IDE: variants seen among roughly 807,000 people sequenced by gnomAD.
The protein encoded by IDE is insulin-degrading enzyme.
Under a neutral mutation model 133.2 loss-of-function variants are expected in IDE, and 58 were observed. The ratio of observed to expected loss-of-function variants is 0.44; its 90% CI spans 0.35 to 0.54. The LOEUF (loss-of-function observed/expected upper bound fraction) is 0.54, where lower values mean the gene tolerates loss of function less well. Among genes scored for constraint, IDE ranks in the 20% least tolerant of loss-of-function variants. IDE has a pLI of 0.00. For synonymous variants in IDE, 396 were observed against 421.3 expected, an observed-to-expected ratio of 0.94 and a Z score of 0.73; for missense variants, 981 against 1,234.0, an observed-to-expected ratio of 0.79 and a Z score of 3.07.
intron 17 of IDE, among the ~76,000 whole-genome samples, 175 bp from the exon 18 acceptor site, chr10:92,470,520 T>C (rs1845910377): frequency 1.3e-5 from 2 of 152,244 alleles, no homozygotes; most frequent in Non-Finnish European, 2.9e-5. Context: ...GAAATTAACA[T>C]TGGTATAATA....
chr10:92,542,375 G>C (rs535359612), intron 1 of IDE, among the ~76,000 whole-genome samples: 4 of 152,192 alleles, frequency 2.6e-5, no homozygotes, highest in Non-Finnish European at 4.4e-5. Flanking sequence ...GACTGGTCTC[G>C]AACTCCTGGC....
intron 21 of IDE, among the ~76,000 whole-genome samples, chr10:92,462,083 AGGTAGGTGGATCACTCGAGGCCAG>A (rs1042560327): frequency 3.9e-5 from 6 of 152,054 alleles, no homozygotes; most frequent in African/African-American, 1.4e-4. Flanking sequence ...TGGGAGGCCA[AGGTAGGTGGATCACTCGAGGCCAG>A]AAGTTTGAGA....
At chr10:92,527,924 G>A (rs1849712441) in intron 4 of IDE, among the ~76,000 whole-genome samples, 1 of 152,132 alleles carries the variant, frequency 6.6e-6, no homozygotes, top group South Asian at 2.1e-4. Flanking sequence ...GCTGAGACAG[G>A]GGAATCGTTT....
chr10:92,563,216 A>T (rs1843361755), intron 1 of IDE, among the ~76,000 whole-genome samples: 1 of 151,912 alleles, frequency 6.6e-6, no homozygotes. Flanking sequence ...ACATCATTGC[A>T]CTCCAGCCTG....
intron 14 of IDE, among the ~76,000 whole-genome samples, chr10:92,483,035 C>T (rs1052378668): frequency 2.0e-5 from 3 of 152,216 alleles, no homozygotes; most frequent in African/African-American, 7.2e-5. Context: ...CCGCCTCAGC[C>T]TCCCAAAGTG....
At chr10:92,486,507 C>CTG (rs139564276) in intron 13 of IDE, among the ~76,000 whole-genome samples, 17 of 151,978 alleles carry the variant, frequency 1.1e-4, no homozygotes, top group African/African-American at 4.1e-4. Flanking sequence ...AAAGAAACAT[C>CTG]TGTGTGTGTG....
intron 13 of IDE, among the ~76,000 whole-genome samples, chr10:92,484,057 C>T (rs919986786): frequency 6.6e-6 from 1 of 152,152 alleles, no homozygotes; most frequent in Non-Finnish European, 1.5e-5. Context: ...TATAACCTCA[C>T]GACAAGCCCT....
intron 1 of IDE, among the ~76,000 whole-genome samples, chr10:92,561,514 G>A (rs1339803116): frequency 6.6e-6 from 1 of 151,838 alleles, no homozygotes; most frequent in East Asian, 1.9e-4. Context: ...CCCTTTGGGA[G>A]GCCGAGGCGG....
At chr10:92,470,481 T>C (rs897406021) in intron 17 of IDE, 136 bp from the exon 18 acceptor site, 4 of 462,480 alleles carry the variant, frequency 8.6e-6, no homozygotes, top group African/African-American at 7.9e-5. Context: ...TTCCCTAATG[T>C]TAACATCTTT....
At chr10:92,511,933 G>A (rs993817194) in intron 5 of IDE, among the ~76,000 whole-genome samples, 1 of 152,154 alleles carries the variant, frequency 6.6e-6, no homozygotes, top group South Asian at 2.1e-4. Context: ...TCTACCAGGT[G>A]TATCTTTCCT....
chr10:92,523,881 CCA>C (rs1272706439), intron 4 of IDE, among the ~76,000 whole-genome samples: 1 of 151,946 alleles, frequency 6.6e-6, no homozygotes, highest in African/African-American at 2.4e-5. Context: ...CCAGTTGCTC[CCA>C]CAGTGTCGGT....
intron 19 of IDE, among the ~76,000 whole-genome samples, chr10:92,468,670 A>C (rs1845812117): frequency 6.6e-6 from 1 of 152,166 alleles, no homozygotes; most frequent in African/African-American, 2.4e-5. Flanking sequence ...TCTCTTCAAA[A>C]TTATTGCCTA....
intron 4 of IDE, among the ~76,000 whole-genome samples, chr10:92,523,898 TTA>T (rs1412016496): frequency 6.6e-6 from 1 of 152,104 alleles, no homozygotes; most frequent in South Asian, 2.1e-4. Context: ...GTCGGTAGAG[TTA>T]TGTTTGGAGA....
At position 92,482,393 on chromosome 10, in the gene IDE, T is replaced by C. The variant is rs185770178; in HGVS notation, c.1739+862A>G. Among the ~76,000 whole-genome samples the C allele has an allele frequency of 3.4e-3, 515 of 152,310 alleles. 2 individuals are homozygous for C. Among genetic ancestry groups the C allele is most frequent in the African/African-American group, 0.012 (489 of 41,564 alleles). On this transcript the variant is annotated intron_variant, in intron 14 of 24. Coordinates refer to ENST00000265986, the MANE Select transcript of IDE (RefSeq NM_004969.4). ...AAGGTGCACTGAGAAATTACTGCAA[T>C]AGCATTATTCATAAATTTTACTAAA...
chr10:92,573,982 A>T lies in IDE; in HGVS notation c.38T>A (p.Leu13Gln), dbSNP rs1253338603. The change falls in exon 1 of 25, where the codon CTG (leucine) becomes CAG (glutamine). Residue 13 changes from leucine (L) to glutamine (Q), a missense_variant. Leu to Gln is a moderately radical substitution (Grantham distance 113, BLOSUM62 -2). Around this residue, in one of 2 missense-constraint regions of IDE, gnomAD observed 321 missense variants for 339.3 expected, o/e 0.95. Transcript: ENST00000265986. ...YRLAWLLHPA[L>Q]PSTFRSVLGA... is the part of the protein sequence containing the mutation. Reference sequence around the variant, plus strand: ...GAGGACTGAGCGGAAGGTGCTGGGCAGTGCGGGGTGCAGAAGCCACGCTAG... The same window carrying T: ...GAGGACTGAGCGGAAGGTGCTGGGCTGTGCGGGGTGCAGAAGCCACGCTAG... 13 of 1,507,672 alleles carry T rather than the reference A, an allele frequency of 8.6e-6. No homozygotes were observed. The highest frequency in any genetic ancestry group is 1.4e-5 in the African/African-American group (1 of 69,082). The allele number at this position is 1,507,672 out of a possible 1,614,324, so 93.4% of individuals were successfully genotyped here. A position where few individuals can be genotyped will look rare whatever the true frequency, so the allele number is the denominator to read the frequency against.
chr10:92,516,730 T>C (rs543960910), intron 4 of IDE, among the ~76,000 whole-genome samples: 1 of 152,298 alleles, frequency 6.6e-6, no homozygotes, highest in East Asian at 1.9e-4. Flanking sequence ...ACCATTAAAT[T>C]TGTGATGTGA....
At chr10:92,567,340 C>T (rs571257417) in intron 1 of IDE, among the ~76,000 whole-genome samples, 2 of 152,280 alleles carry the variant, frequency 1.3e-5, no homozygotes, top group South Asian at 4.1e-4. Flanking sequence ...GTCACTCACG[C>T]TCAAGACCTC....
At chr10:92,572,642 T>G (rs1843838996) in intron 1 of IDE, among the ~76,000 whole-genome samples, 2 of 152,160 alleles carry the variant, frequency 1.3e-5, no homozygotes, top group South Asian at 4.1e-4. Context: ...AAATCCCAAC[T>G]AAAATTCAAG....
intron 1 of IDE, among the ~76,000 whole-genome samples, chr10:92,562,042 C>T (rs1843308709): frequency 6.6e-6 from 1 of 152,136 alleles, no homozygotes; most frequent in Non-Finnish European, 1.5e-5. Context: ...AATGCATGCC[C>T]CTTCTGAAAG....
Sources: allele counts gnomAD v4.1 joint callset (sites outside exome capture counted in the v4.1 genomes callset), GRCh38; gene constraint gnomAD v4.1.1; regional missense constraint gnomAD v4.1.1; transcripts MANE v1.5; gene names NCBI Gene and HGNC (gene_info 2026-07-23, HGNC 2026-07-21).